Variants in PLPPR1 observed in about 807,000 individuals in gnomAD.
The protein encoded by PLPPR1 is phospholipid phosphatase related 1.
PLPPR1 carries 10 observed loss-of-function variants against 33.1 expected under a neutral mutation model. The observed-to-expected ratio is 0.30, with a 90% confidence interval of 0.19 to 0.51. The LOEUF (loss-of-function observed/expected upper bound fraction) is 0.51. Ranked by LOEUF, PLPPR1 falls within the 20% of genes least tolerant of loss-of-function variation. PLPPR1 has a pLI of 0.97. For synonymous variants in PLPPR1, 151 were observed against 151.0 expected, an observed-to-expected ratio of 1.00 and a Z score of 0.00; for missense variants, 304 against 408.1, an observed-to-expected ratio of 0.74 and a Z score of 2.20.
At chr9:101,231,740 A>G (rs961135997) in intron 2 of PLPPR1, among the ~76,000 whole-genome samples, 11 of 152,114 alleles carry the variant, frequency 7.2e-5, no homozygotes, top group Non-Finnish European at 1.6e-4. Flanking sequence ...ACATCAAAGT[A>G]TACTTTATTT....
chr9:101,264,239 C>A (rs764979329), intron 2 of PLPPR1, among the ~76,000 whole-genome samples: 2 of 152,056 alleles, frequency 1.3e-5, no homozygotes, highest in Non-Finnish European at 1.5e-5. Context: ...ATGTCACAAC[C>A]GTGTCAGTTC....
intron 1 of PLPPR1, among the ~76,000 whole-genome samples, chr9:101,065,680 A>ACTC (rs1217733209): frequency 7.2e-5 from 11 of 152,182 alleles, no homozygotes; most frequent in African/African-American, 2.6e-4. Flanking sequence ...CTGTTAGATT[A>ACTC]CTCCAAGTTC....
Position 101,270,082 on chromosome 9 carries a change from T to C in PLPPR1, c.252+14T>C. ...CCAACTGCTATTGTAAGTACAGAAA[T>C]AGACTTTCCTCTTTATTGTCAGATA... On this transcript the variant is annotated intron_variant, in intron 3 of 7. Coordinates refer to ENST00000374874, the MANE Select transcript of PLPPR1 (RefSeq NM_207299.2). 1 of 1,612,918 alleles carries C rather than the reference T, an allele frequency of 6.2e-7. No homozygotes were observed. The highest frequency in any genetic ancestry group is 8.5e-7 in the Non-Finnish European group (1 of 1,178,924).
intron 1 of PLPPR1, among the ~76,000 whole-genome samples, chr9:101,064,341 A>G (rs1346079125): frequency 1.5e-5 from 2 of 132,652 alleles, no homozygotes; most frequent in Non-Finnish European, 3.3e-5. Context: ...TGGGATTAAT[A>G]TTTATAGAAT....
At position 101,232,396 on chromosome 9, in the gene PLPPR1, G is replaced by T. The variant is rs531272403; in HGVS notation, c.64-37484G>T. Reference sequence around the variant, plus strand: ...GCAACTGGGCATCATGACATAAAAAGGCTACATGTTATTGCTCCTAAATTG... The same window carrying T: ...GCAACTGGGCATCATGACATAAAAATGCTACATGTTATTGCTCCTAAATTG... On this transcript the variant is annotated intron_variant, in intron 2 of 7. Coordinates refer to ENST00000374874, the MANE Select transcript of PLPPR1 (RefSeq NM_207299.2). Among the ~76,000 whole-genome samples, 6 of 151,888 alleles carry T rather than the reference G, an allele frequency of 4.0e-5. No homozygotes were observed. In the South Asian group the frequency reaches 1.2e-3, roughly 32 times the overall value.
At chr9:101,212,644 G>A (rs191938295) in intron 2 of PLPPR1, among the ~76,000 whole-genome samples, 1 of 152,208 alleles carries the variant, frequency 6.6e-6, no homozygotes, top group Admixed American at 6.5e-5. Flanking sequence ...TATAACTATA[G>A]GTTTCAGATT....
intron 2 of PLPPR1, among the ~76,000 whole-genome samples, chr9:101,204,261 C>T (rs1260469942): frequency 6.6e-6 from 1 of 152,080 alleles, no homozygotes; most frequent in Non-Finnish European, 1.5e-5. Flanking sequence ...CTCACCTGCC[C>T]CAACCTCTAT....
At chr9:101,285,773 A>C (rs1266734709) in intron 3 of PLPPR1, among the ~76,000 whole-genome samples, 1 of 152,130 alleles carries the variant, frequency 6.6e-6, no homozygotes, top group Non-Finnish European at 1.5e-5. Context: ...ATCATTCCTC[A>C]TCATTGCTAC....
chr9:101,155,406 G>A (rs536683987), intron 1 of PLPPR1, among the ~76,000 whole-genome samples: 2 of 152,232 alleles, frequency 1.3e-5, no homozygotes, highest in East Asian at 3.9e-4. Flanking sequence ...CTGTGTCATC[G>A]CATGAGGAAG....
chr9:101,107,221 C>T (rs1172324050), intron 1 of PLPPR1, among the ~76,000 whole-genome samples: 6 of 100,312 alleles, frequency 6.0e-5, no homozygotes, highest in Admixed American at 3.9e-4. Context: ...GGAGGAGAGG[C>T]GCTCTGCATT....
chr9:101,134,898 C>T (rs1831359742), intron 1 of PLPPR1, among the ~76,000 whole-genome samples: 2 of 152,076 alleles, frequency 1.3e-5, no homozygotes, highest in African/African-American at 2.4e-5. Flanking sequence ...AATAGTGGGA[C>T]GTGGGGCTGG....
chr9:101,232,987 A>G (rs1827222209), intron 2 of PLPPR1, among the ~76,000 whole-genome samples: 1 of 152,042 alleles, frequency 6.6e-6, no homozygotes, highest in African/African-American at 2.4e-5. Flanking sequence ...ACCTGATCCA[A>G]TCACCGAAAC....
At chr9:101,156,467 C>T (rs1202334607) in intron 1 of PLPPR1, among the ~76,000 whole-genome samples, 2 of 143,396 alleles carry the variant, frequency 1.4e-5, no homozygotes, top group African/African-American at 5.2e-5. Flanking sequence ...AAGATAATTG[C>T]TTGAGTCTGG....
At chr9:101,192,982 GT>G (rs1826323706) in intron 2 of PLPPR1, among the ~76,000 whole-genome samples, 1 of 152,130 alleles carries the variant, frequency 6.6e-6, no homozygotes, top group Non-Finnish European at 1.5e-5. Flanking sequence ...TCAGTGCTAA[GT>G]TCTAAAATGA....
chr9:101,090,854 G>A (rs1830733117), intron 1 of PLPPR1, among the ~76,000 whole-genome samples: 1 of 152,020 alleles, frequency 6.6e-6, no homozygotes, highest in African/African-American at 2.4e-5. Flanking sequence ...CTTCTTGGCT[G>A]CTCCTTTTCA....
intron 2 of PLPPR1, among the ~76,000 whole-genome samples, chr9:101,229,538 T>C (rs1317166334): frequency 1.3e-5 from 2 of 152,156 alleles, no homozygotes; most frequent in African/African-American, 4.8e-5. Flanking sequence ...TTTCTAGGCA[T>C]ATTTTATTTC....
At chr9:101,203,114 C>T (rs1437360537) in intron 2 of PLPPR1, among the ~76,000 whole-genome samples, 2 of 152,184 alleles carry the variant, frequency 1.3e-5, no homozygotes, top group Non-Finnish European at 2.9e-5. Context: ...TCAACTCTGT[C>T]ATTACTAAAT....
chr9:101,069,651 G>A (rs1830460327), intron 1 of PLPPR1, among the ~76,000 whole-genome samples: 1 of 152,108 alleles, frequency 6.6e-6, no homozygotes, highest in Non-Finnish European at 1.5e-5. Context: ...TGGTGGGAAA[G>A]GCAGGTATTT....
chr9:101,096,609 C>T (rs1367982504), intron 1 of PLPPR1, among the ~76,000 whole-genome samples: 4 of 152,106 alleles, frequency 2.6e-5, no homozygotes, highest in African/African-American at 7.2e-5. Context: ...TTTAAATGAG[C>T]GTTGTTAACA....
Sources: allele counts gnomAD v4.1 joint callset (sites outside exome capture counted in the v4.1 genomes callset), GRCh38; gene constraint gnomAD v4.1.1; transcripts MANE v1.5; gene names NCBI Gene and HGNC (gene_info 2026-07-23, HGNC 2026-07-21).